The following PHLPP1 variants were observed in gnomAD, a reference collection of about 807,000 sequenced individuals.
PHLPP1 encodes PH domain and leucine rich repeat protein phosphatase 1.
Under a neutral mutation model 117.2 loss-of-function variants are expected in PHLPP1, and 42 were observed. The observed-to-expected ratio is 0.36, with a 90% CI of 0.28 to 0.46. The LOEUF (loss-of-function observed/expected upper bound fraction) is 0.46. Among genes scored for constraint, PHLPP1 ranks in the 20% least tolerant of loss-of-function variants. PHLPP1 has a pLI of 1.00. For missense variants in PHLPP1, 2,084 were observed against 2,241.9 expected, an observed-to-expected ratio of 0.93 and a Z score of 1.42; for synonymous variants, 1,042 against 970.7, an observed-to-expected ratio of 1.07 and a Z score of -1.37.
intron 3 of PHLPP1, among the ~76,000 whole-genome samples, chr18:62,856,059 T>A (rs1231991080): frequency 6.6e-6 from 1 of 152,162 alleles, no homozygotes; most frequent in Admixed American, 6.6e-5. Flanking sequence ...CCCTTCTTAC[T>A]GCGAGTTTCC....
chr18:62,767,592 G>A (rs997749286), intron 1 of PHLPP1, among the ~76,000 whole-genome samples: 2 of 152,192 alleles, frequency 1.3e-5, no homozygotes, highest in South Asian at 2.1e-4. Context: ...TGGCATAGGC[G>A]TGAAATCTTA....
chr18:62,740,650 A>G (rs1311305325), intron 1 of PHLPP1, among the ~76,000 whole-genome samples: 1 of 152,226 alleles, frequency 6.6e-6, no homozygotes, highest in Non-Finnish European at 1.5e-5. Flanking sequence ...TATTGAAACA[A>G]AAACGAGCAT....
chr18:62,758,079 A>G (rs943645093), intron 1 of PHLPP1, among the ~76,000 whole-genome samples: 6 of 152,228 alleles, frequency 3.9e-5, no homozygotes, highest in African/African-American at 1.4e-4. Flanking sequence ...CTGCAAATGT[A>G]AAATGCCTTT....
intron 3 of PHLPP1, among the ~76,000 whole-genome samples, chr18:62,853,485 T>G (rs958477594): frequency 6.6e-6 from 1 of 151,856 alleles, no homozygotes; most frequent in African/African-American, 2.4e-5. Flanking sequence ...TTCTCCTACC[T>G]CAGCCTCCTG....
intron 4 of PHLPP1, among the ~76,000 whole-genome samples, chr18:62,862,654 C>T (rs1038697797): frequency 4.6e-5 from 7 of 152,062 alleles, no homozygotes; most frequent in African/African-American, 1.7e-4. Flanking sequence ...TGGTTTGGCC[C>T]ACAGCTCACA....
At chr18:62,770,387 G>T (rs1293556227) in intron 1 of PHLPP1, among the ~76,000 whole-genome samples, 1 of 152,188 alleles carries the variant, frequency 6.6e-6, no homozygotes, top group African/African-American at 2.4e-5. Flanking sequence ...TGGGATTCCA[G>T]GTGTGAGCCA....
At chr18:62,761,174 A>AT (rs1241570053) in intron 1 of PHLPP1, among the ~76,000 whole-genome samples, 1 of 152,088 alleles carries the variant, frequency 6.6e-6, no homozygotes, top group Non-Finnish European at 1.5e-5. Flanking sequence ...CTTCCCTGGC[A>AT]TTTTTAATAA....
intron 16 of PHLPP1, among the ~76,000 whole-genome samples, chr18:62,975,926 C>T (rs542276062): frequency 6.6e-6 from 1 of 152,336 alleles, no homozygotes; most frequent in Non-Finnish European, 1.5e-5. Context: ...CCTGACATCA[C>T]ACTGCTAGTT....
intron 1 of PHLPP1, among the ~76,000 whole-genome samples, chr18:62,797,561 T>C (rs987877764): frequency 1.3e-5 from 2 of 152,200 alleles, no homozygotes; most frequent in Non-Finnish European, 1.5e-5. Flanking sequence ...GGGCAGGCCT[T>C]GCTTTGACTT....
intron 10 of PHLPP1, among the ~76,000 whole-genome samples, chr18:62,929,160 CT>C (rs1184825738): frequency 6.6e-6 from 1 of 152,006 alleles, no homozygotes; most frequent in Non-Finnish European, 1.5e-5. Context: ...CCCTATAAAG[CT>C]GTTTTTTTAA....
At chr18:62,923,747 C>T (rs1468542215) in intron 10 of PHLPP1, among the ~76,000 whole-genome samples, 2 of 151,872 alleles carry the variant, frequency 1.3e-5, no homozygotes, top group East Asian at 3.9e-4. Flanking sequence ...TGACAAATAT[C>T]GTGTATTTGG....
intron 2 of PHLPP1, among the ~76,000 whole-genome samples, chr18:62,831,043 G>A (rs996621216): frequency 2.6e-5 from 4 of 152,050 alleles, no homozygotes; most frequent in Non-Finnish European, 4.4e-5. Flanking sequence ...TTCTCATTTC[G>A]GAGAAAATGT....
intron 12 of PHLPP1, among the ~76,000 whole-genome samples, chr18:62,956,059 A>T (rs1331031288): frequency 6.6e-6 from 1 of 152,216 alleles, no homozygotes; most frequent in African/African-American, 2.4e-5. Context: ...CAAAAAAGAG[A>T]TGACTGTTTT....
chr18:62,792,616 A>T (rs1297489701), intron 1 of PHLPP1, among the ~76,000 whole-genome samples: 1 of 152,130 alleles, frequency 6.6e-6, no homozygotes, highest in African/African-American at 2.4e-5. Context: ...CACGCCTGTA[A>T]TCCCAGCACT....
chr18:62,801,006 TC>T (rs1184484630), intron 1 of PHLPP1, among the ~76,000 whole-genome samples: 80 of 119,022 alleles, frequency 6.7e-4, no homozygotes, highest in African/African-American at 2.5e-3. Context: ...CTTCCTTGCT[TC>T]CTTCCCTCCC....
intron 3 of PHLPP1, among the ~76,000 whole-genome samples, chr18:62,849,797 C>CAAAAAAAAA (rs1159265423): frequency 2.7e-4 from 2 of 7,400 alleles, no homozygotes; most frequent in African/African-American, 5.4e-4. Context: ...CCTGTCTCTA[C>CAAAAAAAAA]AAAAAAAAAA....
chr18:62,802,637 T>C (rs940765498), intron 1 of PHLPP1, among the ~76,000 whole-genome samples: 2 of 152,192 alleles, frequency 1.3e-5, no homozygotes, highest in African/African-American at 2.4e-5. Context: ...ATTGATTGAA[T>C]TGAAAGTAAT....
chr18:62,979,659 C>A lies in PHLPP1; in HGVS notation c.*228C>A. 1.8e-6 allele frequency: 1 copy of A among 568,902 alleles called. No homozygotes were observed. Among genetic ancestry groups the A allele is most frequent in the Non-Finnish European group, 3.1e-6 (1 of 322,122 alleles). The allele number at this position is 568,902 out of a possible 1,614,324, so 35.2% of individuals were successfully genotyped here. Reference sequence around the variant, plus strand: ...CAATATGATTTACATTTGTTAACTTCTCCCCCTAACATATCAGATATGTAA... The same window carrying A: ...CAATATGATTTACATTTGTTAACTTATCCCCCTAACATATCAGATATGTAA... On this transcript the variant is annotated 3_prime_UTR_variant, in exon 17 of 17. Coordinates refer to ENST00000262719, the MANE Select transcript of PHLPP1 (RefSeq NM_194449.4).
At chr18:62,813,859 A>G (rs1244435405) in intron 1 of PHLPP1, among the ~76,000 whole-genome samples, 2 of 152,112 alleles carry the variant, frequency 1.3e-5, no homozygotes, top group African/African-American at 2.4e-5. Flanking sequence ...CTACACAAAC[A>G]TACAATCAGT....
Sources: allele counts gnomAD v4.1 joint callset (sites outside exome capture counted in the v4.1 genomes callset), GRCh38; gene constraint gnomAD v4.1.1; transcripts MANE v1.5; gene names NCBI Gene and HGNC (gene_info 2026-07-23, HGNC 2026-07-21).